LRRC4C: variants seen among roughly 807,000 people sequenced by gnomAD.
The protein encoded by LRRC4C is leucine-rich repeat-containing protein 4C.
LRRC4C carries 5 observed loss-of-function variants against 33.6 expected under a neutral mutation model. The observed-to-expected ratio is 0.15, with a 90% CI of 0.08 to 0.31. The LOEUF (loss-of-function observed/expected upper bound fraction) is 0.31, where lower values mean the gene tolerates loss of function less well. LRRC4C is among the 10% of genes least tolerant of loss of function. The probability of loss-of-function intolerance (pLI) is 1.00; values close to 1 mark genes in which losing one functional copy is unlikely to be tolerated. For synonymous variants in LRRC4C, 329 were observed against 302.0 expected, an observed-to-expected ratio of 1.09 and a Z score of -0.93; for missense variants, 560 against 796.7, an observed-to-expected ratio of 0.70 and a Z score of 3.58.
At chr11:40,590,503 T>A (rs1022619404) in intron 3 of LRRC4C, among the ~76,000 whole-genome samples, 1 of 152,098 alleles carries the variant, frequency 6.6e-6, no homozygotes, top group Non-Finnish European at 1.5e-5. Context: ...CCGTCCAGCT[T>A]TTTTCCGTTG....
chr11:41,065,039 C>A (rs1055639627), intron 1 of LRRC4C, among the ~76,000 whole-genome samples: 10 of 152,078 alleles, frequency 6.6e-5, no homozygotes, highest in Admixed American at 6.5e-4. Flanking sequence ...GCGCCTGGTA[C>A]TCCAGTGAGA....
At position 40,253,509 on chromosome 11, in the gene LRRC4C, C is replaced by CG. The variant is rs1273442660; in HGVS notation, c.-175-11912_-175-11911insC. Among the ~76,000 whole-genome samples the CG allele has an allele frequency of 1.1e-4, 17 of 152,158 alleles. No individual in the cohort carries two copies. The South Asian group carries it at 3.5e-3, about 32-fold the overall frequency. On this transcript the variant is annotated intron_variant, in intron 4 of 6. Coordinates refer to ENST00000528697, the MANE Select transcript of LRRC4C (RefSeq NM_001258419.2). ...AAGCCTCAGTTAACTGTAAAATGAGCATAACAGTAACTACCTCAAAAAATG... is the reference window on the plus strand; with the variant it reads ...AAGCCTCAGTTAACTGTAAAATGAGCGATAACAGTAACTACCTCAAAAAATG...
chr11:40,818,814 T>C (rs1451854850), intron 2 of LRRC4C, among the ~76,000 whole-genome samples: 5 of 152,114 alleles, frequency 3.3e-5, no homozygotes, highest in African/African-American at 1.2e-4. Flanking sequence ...GAGTTTAATT[T>C]GTATTTTGTT....
chr11:40,783,327 G>T (rs4418803), intron 2 of LRRC4C, among the ~76,000 whole-genome samples: 11,528 of 151,504 alleles, frequency 0.076, 549 homozygotes, highest in African/African-American at 0.14. Flanking sequence ...ACAGAGTCTT[G>T]CTCCGTCACC....
intron 2 of LRRC4C, among the ~76,000 whole-genome samples, chr11:40,899,739 C>T (rs1375256343): frequency 1.3e-5 from 2 of 152,090 alleles, no homozygotes; most frequent in Non-Finnish European, 2.9e-5. Context: ...TATTCTTAGG[C>T]ACAAACACAC....
chr11:40,221,042 AT>A (rs1864377629), intron 5 of LRRC4C, among the ~76,000 whole-genome samples: 1 of 151,900 alleles, frequency 6.6e-6, no homozygotes, highest in African/African-American at 2.4e-5. Context: ...TGCCCAGCTA[AT>A]TTTTGTTTTT....
Position 40,416,950 on chromosome 11 carries a change from C to T in LRRC4C, c.-269-97229G>A, listed in dbSNP as rs185183985. On this transcript the variant is annotated intron_variant, in intron 3 of 6. Transcript: ENST00000528697. The stretch of plus-strand genomic sequence containing the variant: ...CTTGATGAGTTTTCTTTGGAAGATT[C>T]ACTATGCCTTCATGACTTTGAATGG... Among the ~76,000 whole-genome samples, 14 of 152,292 alleles carry T rather than the reference C, an allele frequency of 9.2e-5. No homozygotes were observed. In the East Asian group the frequency reaches 2.7e-3, roughly 29 times the overall value.
chr11:40,483,364 C>A (rs761473681), intron 3 of LRRC4C, among the ~76,000 whole-genome samples: 1 of 152,116 alleles, frequency 6.6e-6, no homozygotes, highest in Non-Finnish European at 1.5e-5. Context: ...AAAGAGAGCT[C>A]TTTCATGTTT....
At chr11:40,680,936 T>A (rs961681011) in intron 2 of LRRC4C, among the ~76,000 whole-genome samples, 2 of 152,194 alleles carry the variant, frequency 1.3e-5, no homozygotes, top group African/African-American at 4.8e-5. Context: ...ACAGCACATC[T>A]CAATTTGAAC....
At chr11:40,700,323 G>A (rs941443335) in intron 2 of LRRC4C, among the ~76,000 whole-genome samples, 11 of 151,936 alleles carry the variant, frequency 7.2e-5, no homozygotes, top group African/African-American at 2.4e-4. Context: ...TTCATTTATT[G>A]TAATATTCAT....
At chr11:40,446,899 T>A (rs1330166598) in intron 3 of LRRC4C, 1 of 152,128 alleles carries the variant, frequency 6.6e-6, no homozygotes, top group African/African-American at 2.4e-5. Flanking sequence ...ATGGGGATAA[T>A]GAGATTATGG....
intron 1 of LRRC4C, among the ~76,000 whole-genome samples, chr11:41,317,073 C>T (rs1348105994): frequency 6.6e-6 from 1 of 152,220 alleles, no homozygotes; most frequent in Non-Finnish European, 1.5e-5. Flanking sequence ...CAGAAGTCAG[C>T]TCACTGCCCT....
chr11:41,456,169 T>C lies in LRRC4C; in HGVS notation c.-496+3262A>G, dbSNP rs569867312. On this transcript the variant is annotated intron_variant, in intron 1 of 6. Coordinates refer to ENST00000528697, the MANE Select transcript of LRRC4C (RefSeq NM_001258419.2). ...TTCTTCCAAGATCCTTCATTTTCTG[T>C]TGTAGGCTGATGCTCTTAGCCTATT... Among the ~76,000 whole-genome samples, 132 of 152,282 alleles carry C rather than the reference T, an allele frequency of 8.7e-4. 2 individuals carry two copies. In the South Asian group the frequency reaches 0.013, roughly 15 times the overall value.
At chr11:40,412,813 A>G (rs1950199666) in intron 3 of LRRC4C, among the ~76,000 whole-genome samples, 1 of 152,084 alleles carries the variant, frequency 6.6e-6, no homozygotes, top group African/African-American at 2.4e-5. Flanking sequence ...TTCTTACTCT[A>G]ACATGGCAAT....
Position 40,526,197 on chromosome 11 carries a change from G to C in LRRC4C, c.-270+121945C>G, listed in dbSNP as rs538611294. On this transcript the variant is annotated intron_variant, in intron 3 of 6. Coordinates refer to ENST00000528697, the MANE Select transcript of LRRC4C (RefSeq NM_001258419.2). ...CTAGACAAAAGTAATTATTAAATAG[G>C]ACACAGAAAATGCCAAGCATAAAAA... 2.6e-5 allele frequency among the ~76,000 whole-genome samples: 4 copies of C among 151,996 alleles called. No individual in the cohort carries two copies. The East Asian group carries it at 7.7e-4, about 29-fold the overall frequency.
intron 3 of LRRC4C, among the ~76,000 whole-genome samples, chr11:40,553,341 A>C (rs1414425187): frequency 6.6e-6 from 1 of 152,176 alleles, no homozygotes; most frequent in East Asian, 1.9e-4. Context: ...TAATTTTTAT[A>C]GAACTAAATT....
At chr11:40,929,925 A>G (rs1957549439) in intron 2 of LRRC4C, among the ~76,000 whole-genome samples, 3 of 152,196 alleles carry the variant, frequency 2.0e-5, no homozygotes. Flanking sequence ...TCTACTAGCC[A>G]TAATTTTACA....
At chr11:40,311,485 A>C (rs1352994323) in intron 4 of LRRC4C, among the ~76,000 whole-genome samples, 2 of 152,228 alleles carry the variant, frequency 1.3e-5, no homozygotes, top group African/African-American at 4.8e-5. Context: ...CACAGAGAAA[A>C]TAAGATCACA....
intron 2 of LRRC4C, among the ~76,000 whole-genome samples, chr11:40,779,125 T>C (rs1202311596): frequency 6.6e-6 from 1 of 152,092 alleles, no homozygotes; most frequent in Non-Finnish European, 1.5e-5. Flanking sequence ...GTAGTAGTAG[T>C]GGAGATAAAA....
Sources: gnomAD v4.1 joint callset for allele counts (sites outside exome capture counted in the v4.1 genomes callset) on GRCh38, gnomAD v4.1.1 for gene constraint, MANE v1.5 for transcripts, NCBI Gene and HGNC (gene_info 2026-07-23, HGNC 2026-07-21) for gene names.